The following CCKBR variants were observed in gnomAD, a reference collection of about 807,000 sequenced individuals.
CCKBR encodes the protein gastrin/cholecystokinin type B receptor.
Under a neutral mutation model 34.6 loss-of-function variants are expected in CCKBR, and 33 were observed. The observed-to-expected ratio is 0.95, with a 90% confidence interval of 0.72 to 1.27. CCKBR has a LOEUF of 1.27. Ranked by LOEUF, CCKBR falls within the 50% of genes most tolerant of loss-of-function variation. The pLI, the probability that CCKBR is intolerant of heterozygous loss-of-function variation, is 0.00. For missense variants in CCKBR, 652 were observed against 617.4 expected, an observed-to-expected ratio of 1.06 and a Z score of -0.59; for synonymous variants, 269 against 267.5, an observed-to-expected ratio of 1.01 and a Z score of -0.06.
chr11:6,269,526 A>T, intron 1 of CCKBR, 143 bp from the exon 2 acceptor site: 1 of 952,262 alleles, frequency 1.1e-6, no homozygotes. Flanking sequence ...AAAGGATTCA[A>T]GTTCACCATT....
intron 3 of CCKBR, 143 bp downstream of exon 3, chr11:6,270,480 T>C (rs373201045): frequency 7.1e-7 from 1 of 1,408,206 alleles, no homozygotes; most frequent in Non-Finnish European, 9.6e-7. Flanking sequence ...GGAGTTCCAG[T>C]TTGGGGCCCC....
At position 6,271,663 on chromosome 11, in the gene CCKBR, C is replaced by T. The variant is rs1410931496; in HGVS notation, c.*120C>T. ...CAACACCCAAAGCATGGACTAACCC[C>T]AACGCACAGGAAAAGGTAGCTTACC... On this transcript the variant is annotated 3_prime_UTR_variant, in exon 5 of 5. Coordinates refer to ENST00000334619, the MANE Select transcript of CCKBR (RefSeq NM_176875.4). 5.1e-6 allele frequency: 5 copies of T among 988,088 alleles called. No homozygotes were observed. The highest frequency in any genetic ancestry group is 7.3e-6 in the Non-Finnish European group (5 of 688,862). 61.2% of individuals were successfully genotyped at this position (988,088 alleles called of 1,614,324 possible). A position where few individuals can be genotyped will look rare whatever the true frequency, so the allele number is the denominator to read the frequency against.
Position 6,261,454 on chromosome 11 carries a change from A to ATATATAT in CCKBR, c.151+1375_151+1376insTATATAT, listed in dbSNP as rs1554918944. On this transcript the variant is annotated intron_variant, in intron 1 of 4. Transcript: ENST00000334619. ...GTTGGCAAAAAAAAAAAAAAAAAAA[A>ATATATAT]ATATATATACACACACACACACACA... is the stretch of plus-strand genomic sequence containing the variant. 2.4e-3 allele frequency among the ~76,000 whole-genome samples: 149 copies of ATATATAT among 60,864 alleles called. 7 individuals carry two copies. The highest frequency in any genetic ancestry group is 0.015 in the Middle Eastern group (2 of 132). 39.9% of individuals were successfully genotyped at this position (60,864 alleles called of 152,430 possible). A position where few individuals can be genotyped will look rare whatever the true frequency, so the allele number is the denominator to read the frequency against.
Position 6,269,594 on chromosome 11 carries a change from G to A in CCKBR, c.152-75G>A. The A allele has an allele frequency of 2.6e-6, 4 of 1,542,154 alleles. No homozygotes were observed. The South Asian group carries it at 4.7e-5, about 18-fold the overall frequency. On this transcript the variant is annotated intron_variant, in intron 1 of 4. Transcript: ENST00000334619. ...ATCTGGCTGGGTAGTGAGGGTTGGG[G>A]ATAAGACGGAAGGAGGGGGATTTGA...
At chr11:6,270,463 C>T in intron 3 of CCKBR, 126 bp downstream of exon 3, 1 of 1,422,854 alleles carries the variant, frequency 7.0e-7, no homozygotes, top group Non-Finnish European at 9.6e-7. Context: ...TCTGCATCCA[C>T]CACCCTGGAG....
chr11:6,262,345 A>T (rs1027362643), intron 1 of CCKBR, among the ~76,000 whole-genome samples: 1 of 152,142 alleles, frequency 6.6e-6, no homozygotes, highest in African/African-American at 2.4e-5. Context: ...TCTGCATAAG[A>T]CCATTATTTA....
chr11:6,271,302 C>T lies in CCKBR; in HGVS notation c.1103C>T (p.Ser368Leu). 1.2e-6 allele frequency: 2 copies of T among 1,614,186 alleles called. No homozygotes were observed. Among genetic ancestry groups the T allele is most frequent in the Non-Finnish European group, 1.7e-6 (2 of 1,180,000 alleles). The change falls in exon 5 of 5, where the codon TCG becomes TTG. Residue 368 changes from serine to leucine, a missense_variant. Coordinates refer to ENST00000334619, the MANE Select transcript of CCKBR (RefSeq NM_176875.4). Reference protein sequence around the residue: ...FDGPGAHRALSGAPISFIHLL... With the variant: ...FDGPGAHRALLGAPISFIHLL... ...GGCCCGGGTGCACACCGAGCACTCT[C>T]GGGTGCTCCTATCTCCTTCATTCAC...
chr11:6,264,629 A>T (rs765525092), intron 1 of CCKBR: 1 of 680,050 alleles, frequency 1.5e-6, no homozygotes, highest in Admixed American at 2.1e-5. Flanking sequence ...GATGTACCCC[A>T]GCAGGTGCTA....
intron 1 of CCKBR, among the ~76,000 whole-genome samples, chr11:6,269,039 G>A (rs572677500): frequency 5.9e-5 from 9 of 151,428 alleles, no homozygotes; most frequent in African/African-American, 2.2e-4. Flanking sequence ...TCATCCAGTG[G>A]CTTGCTTAAA....
Position 6,271,338 on chromosome 11 carries a change from A to G in CCKBR, c.1139A>G (p.Tyr380Cys), listed in dbSNP as rs937985143. 1 of 1,614,072 alleles carries G rather than the reference A, an allele frequency of 6.2e-7. No individual in the cohort carries two copies. The highest frequency in any genetic ancestry group is 2.2e-5 in the East Asian group (1 of 44,876). Residue 380 changes from tyrosine (Y) to cysteine (C), a missense_variant, in exon 5 of 5, where the codon TAC becomes TGC. Transcript: ENST00000334619. ...ATCTCCTTCATTCACTTGCTGAGCT[A>G]CGCCTCGGCCTGTGTCAACCCCCTG... ...APISFIHLLSYASACVNPLVY... is the reference protein window; with the variant it reads ...APISFIHLLSCASACVNPLVY...
chr11:6,270,315 A>G lies in CCKBR; in HGVS notation c.631A>G (p.Ser211Gly), dbSNP rs761610164. The change falls in exon 3 of 5, where the codon AGT becomes GGT. Residue 211 changes from serine (S) to glycine (G), a missense_variant. Transcript: ENST00000334619. The part of the protein sequence containing the change: ...RVLQCVHRWP[S>G]ARVRQTWSVL... Reference sequence around the variant, plus strand: ...GCTGCAGTGCGTGCATCGCTGGCCCAGTGCGCGGGTCCGCCAGACCTGGTG... The same window carrying G: ...GCTGCAGTGCGTGCATCGCTGGCCCGGTGCGCGGGTCCGCCAGACCTGGTG... 2 of 1,612,706 alleles carry G rather than the reference A, an allele frequency of 1.2e-6. No homozygotes were observed. The highest frequency in any genetic ancestry group is 3.3e-5 in the Admixed American group (2 of 59,982).
chr11:6,270,961 A>G (rs1848296098), intron 4 of CCKBR, 50 bp from the exon 5 acceptor site: 2 of 1,612,970 alleles, frequency 1.2e-6, no homozygotes, highest in Non-Finnish European at 8.5e-7. Flanking sequence ...ACTGGGCTGG[A>G]GACTGGGGGG....
At chr11:6,266,296 G>T (rs1278244023) in intron 1 of CCKBR, among the ~76,000 whole-genome samples, 2 of 152,058 alleles carry the variant, frequency 1.3e-5, no homozygotes, top group East Asian at 3.9e-4. Flanking sequence ...TTCGAGACCA[G>T]CCTTACCAAT....
chr11:6,259,865 A>C lies in CCKBR; in HGVS notation c.-64A>C. 7.7e-7 allele frequency: 1 copy of C among 1,302,330 alleles called. No individual in the cohort carries two copies. The highest frequency in any genetic ancestry group is 1.0e-6 in the Non-Finnish European group (1 of 1,000,218). 80.7% of individuals were successfully genotyped at this position (1,302,330 alleles called of 1,614,324 possible). A position where few individuals can be genotyped will look rare whatever the true frequency, so the allele number is the denominator to read the frequency against. ...CCTGAGCCGGAATCGCAGCGTGAGC[A>C]GGTGGAGCCGCGTTGGGAGCCCGCC... On this transcript the variant is annotated 5_prime_UTR_variant, in exon 1 of 5. Transcript: ENST00000334619.
In CCKBR at chr11:6,260,057, C is replaced by G; in HGVS notation, c.129C>G (p.Arg43=). The change falls in exon 1 of 5, where the codon CGC becomes CGG. Residue 43 remains arginine (R), a synonymous_variant. Coordinates refer to ENST00000334619, the MANE Select transcript of CCKBR (RefSeq NM_176875.4). Reference sequence around the variant, plus strand: ...GCAACCTCAGCTGCGAGCCCCCTCGCATTCGCGGAGCCGGGACACGAGGTG... The same window carrying G: ...GCAACCTCAGCTGCGAGCCCCCTCGGATTCGCGGAGCCGGGACACGAGGTG... The part of the protein sequence containing the change: ...SVGNLSCEPP[R]IRGAGTRELE... 1 of 1,595,032 alleles carries G rather than the reference C, an allele frequency of 6.3e-7. No individual in the cohort carries two copies. The highest frequency in any genetic ancestry group is 2.3e-5 in the East Asian group (1 of 42,810).
Position 6,267,764 on chromosome 11 carries a change from G to T in CCKBR, c.152-1905G>T, listed in dbSNP as rs149307527. Among the ~76,000 whole-genome samples, 131 of 152,238 alleles carry T rather than the reference G, an allele frequency of 8.6e-4. 1 individual carries two copies. The highest frequency in any genetic ancestry group is 3.0e-3 in the African/African-American group (125 of 41,526). ...TACCAGTATCCCCACAAACACATAC[G>T]TAATGCATTATGCTGCAATGTTACA... On this transcript the variant is annotated intron_variant, in intron 1 of 4. Coordinates refer to ENST00000334619, the MANE Select transcript of CCKBR (RefSeq NM_176875.4).
chr11:6,261,463 A>ACG (rs58523100), intron 1 of CCKBR, among the ~76,000 whole-genome samples: 1 of 21,768 alleles, frequency 4.6e-5, no homozygotes, highest in Non-Finnish European at 9.2e-5. Context: ...AAATATATAT[A>ACG]CACACACACA....
At position 6,259,974 on chromosome 11, in the gene CCKBR, G is replaced by C; in HGVS notation, c.46G>C (p.Gly16Arg). The C allele has an allele frequency of 6.4e-7, 1 of 1,556,922 alleles. No individual in the cohort carries two copies. Among genetic ancestry groups the C allele is most frequent in the Non-Finnish European group, 8.7e-7 (1 of 1,155,796 alleles). ...CCGGAGCGTGCAGGGAACCGGACCC[G>C]GGCCGGGGGCTTCCCTGTGCCGCCC... ...LNRSVQGTGPGPGASLCRPGA... is the reference protein window; with the variant it reads ...LNRSVQGTGPRPGASLCRPGA... The change falls in exon 1 of 5, where the codon GGG (glycine) becomes CGG (arginine). Residue 16 changes from glycine (G) to arginine (R), a missense_variant. Transcript: ENST00000334619.
chr11:6,270,327 C>G lies in CCKBR; in HGVS notation c.643C>G (p.Arg215Gly). 1 of 1,611,516 alleles carries G rather than the reference C, an allele frequency of 6.2e-7. No homozygotes were observed. The highest frequency in any genetic ancestry group is 8.5e-7 in the Non-Finnish European group (1 of 1,178,876). The stretch of plus-strand genomic sequence containing the variant: ...GCATCGCTGGCCCAGTGCGCGGGTC[C>G]GCCAGACCTGGTGAGCTTGCCCATA... ...CVHRWPSARV[R>G]QTWSVLLLLL... Residue 215 changes from arginine (R) to glycine (G), a missense_variant, in exon 3 of 5, where the codon CGC (arginine) becomes GGC (glycine). By Grantham distance (125) the Arg-to-Gly change is moderately radical (BLOSUM62 -2). Transcript: ENST00000334619.
Sources: allele counts gnomAD v4.1 joint callset (sites outside exome capture counted in the v4.1 genomes callset), GRCh38; gene constraint gnomAD v4.1.1; transcripts MANE v1.5; gene names NCBI Gene and HGNC (gene_info 2026-07-23, HGNC 2026-07-21).